The following ENOX2 variants were observed in gnomAD, a reference collection of about 807,000 sequenced individuals.
ENOX2 encodes ecto-NOX disulfide-thiol exchanger 2.
A neutral mutation model predicts 45.0 loss-of-function variants in ENOX2; 36 were observed. The ratio of observed to expected loss-of-function variants is 0.80; its 90% CI spans 0.61 to 1.06. The LOEUF (loss-of-function observed/expected upper bound fraction) is 1.06, where lower values mean the gene tolerates loss of function less well. ENOX2 is among the 50% of genes least tolerant of loss of function. The pLI, the probability that ENOX2 is intolerant of heterozygous loss-of-function variation, is 0.00. For missense variants in ENOX2, 423 were observed against 462.5 expected, an observed-to-expected ratio of 0.91 and a Z score of 0.78; for synonymous variants, 174 against 152.3, an observed-to-expected ratio of 1.14 and a Z score of -1.05.
At chrX:130,765,763 A>G (rs1302677552) in intron 3 of ENOX2, among the ~76,000 whole-genome samples, 2 of 111,915 alleles carry the variant, frequency 1.8e-5, no homozygotes, top group African/African-American at 6.5e-5. Context: ...TTGGGGTCAC[A>G]GGGTATATGT....
intron 10 of ENOX2, among the ~76,000 whole-genome samples, chrX:130,646,616 T>C (rs1355475717): frequency 8.9e-6 from 1 of 112,214 alleles, no homozygotes; most frequent in Non-Finnish European, 1.9e-5. Flanking sequence ...CTTGCATGAC[T>C]CCACCCTGAG....
At chrX:130,671,783 G>A (rs901304716) in intron 6 of ENOX2, among the ~76,000 whole-genome samples, 1 of 111,260 alleles carries the variant, frequency 9.0e-6, no homozygotes, top group African/African-American at 3.3e-5. Flanking sequence ...AAACTCCTCT[G>A]GTCTTGCTGA....
intron 1 of ENOX2, among the ~76,000 whole-genome samples, chrX:130,902,021 G>A (rs1316039729): frequency 2.7e-5 from 3 of 111,039 alleles, no homozygotes; most frequent in Admixed American, 9.6e-5. Context: ...CCTGTACTCT[G>A]CTGGAGCCCA....
chrX:130,710,710 A>G (rs756038242), intron 3 of ENOX2, among the ~76,000 whole-genome samples: 1 of 111,459 alleles, frequency 9.0e-6, no homozygotes, highest in South Asian at 3.8e-4. Context: ...GGCAACTCCA[A>G]CTTCTGTAGT....
At chrX:130,889,487 A>T (rs2078953941) in intron 2 of ENOX2, among the ~76,000 whole-genome samples, 1 of 111,556 alleles carries the variant, frequency 9.0e-6, no homozygotes, top group Non-Finnish European at 1.9e-5. Flanking sequence ...TGTTAAGCCA[A>T]TTGGGAAAAG....
intron 3 of ENOX2, among the ~76,000 whole-genome samples, chrX:130,721,726 G>A (rs2148273266): frequency 8.9e-6 from 1 of 112,058 alleles, no homozygotes; most frequent in African/African-American, 3.2e-5. Flanking sequence ...TTTGTAATGA[G>A]CAACAGCCTA....
intron 4 of ENOX2, among the ~76,000 whole-genome samples, chrX:130,690,899 T>C (rs756165843): frequency 3.3e-4 from 37 of 111,459 alleles, no homozygotes; most frequent in African/African-American, 1.1e-3. Flanking sequence ...CTTTTTATCC[T>C]GTGATGTCAA....
At chrX:130,626,127 T>C (rs186704565) in intron 14 of ENOX2, among the ~76,000 whole-genome samples, 38 of 111,615 alleles carry the variant, frequency 3.4e-4, no homozygotes, top group African/African-American at 1.2e-3. Flanking sequence ...TCACAGTGAA[T>C]ATCCCTGGAG....
At chrX:130,652,296 TAACTCCTCTGCA>T (rs2036424065) in intron 10 of ENOX2, among the ~76,000 whole-genome samples, 1 of 112,293 alleles carries the variant, frequency 8.9e-6, no homozygotes. Flanking sequence ...TGCTTTTTTC[TAACTCCTCTGCA>T]AACTCCTCTT....
chrX:130,655,407 A>G (rs992067456), intron 10 of ENOX2, among the ~76,000 whole-genome samples: 1 of 111,665 alleles, frequency 9.0e-6, no homozygotes, highest in Non-Finnish European at 1.9e-5. Context: ...TCAAGTGGCT[A>G]TAGAGCTGCT....
chrX:130,672,999 G>A (rs1033483266), intron 6 of ENOX2, among the ~76,000 whole-genome samples: 2 of 111,918 alleles, frequency 1.8e-5, no homozygotes, highest in Non-Finnish European at 3.8e-5. Context: ...AGAACAGAGA[G>A]CACCTCACAG....
At chrX:130,836,616 C>T in intron 2 of ENOX2, among the ~76,000 whole-genome samples, 1 of 111,523 alleles carries the variant, frequency 9.0e-6, no homozygotes, top group Non-Finnish European at 1.9e-5. Flanking sequence ...CTGCTGCCTT[C>T]CCAGGTGACT....
chrX:130,883,212 G>A (rs2078849968), intron 2 of ENOX2, among the ~76,000 whole-genome samples: 2 of 111,408 alleles, frequency 1.8e-5, no homozygotes, highest in African/African-American at 6.5e-5. Context: ...CCGAGTTCAA[G>A]CGATTCTCCT....
At chrX:130,696,717 T>G (rs2037772009) in intron 4 of ENOX2, among the ~76,000 whole-genome samples, 1 of 111,436 alleles carries the variant, frequency 9.0e-6, no homozygotes. Flanking sequence ...ATATGAAACT[T>G]CCTGTGAAAA....
intron 2 of ENOX2, among the ~76,000 whole-genome samples, chrX:130,815,365 C>G (rs2077464271): frequency 8.9e-6 from 1 of 112,081 alleles, no homozygotes; most frequent in Non-Finnish European, 1.9e-5. Context: ...CCTAGCAAGA[C>G]AGGCCAACAC....
At chrX:130,725,200 T>G (rs917542069) in intron 3 of ENOX2, among the ~76,000 whole-genome samples, 2 of 110,723 alleles carry the variant, frequency 1.8e-5, no homozygotes, top group African/African-American at 6.6e-5. Flanking sequence ...AACATGTTTT[T>G]TTTCTTTAAA....
At chrX:130,651,760 C>G (rs375645064) in intron 10 of ENOX2, among the ~76,000 whole-genome samples, 2 of 111,823 alleles carry the variant, frequency 1.8e-5, no homozygotes, top group African/African-American at 6.5e-5. Context: ...GATGAATAAA[C>G]AATCTCTTAG....
rs774078796 is a variant in ENOX2, at chrX:130,670,103, C to T, written c.556G>A (p.Glu186Lys). ...AQARDDLYEW[E>K]CKQRMLAREE... ...CTGGCTAGCATACGCTGTTTACACT[C>T]CCACTCATACAGGTCATCTCGAGCC... Residue 186 changes from glutamate to lysine, a missense_variant, in exon 7 of 15, where the codon GAG (glutamate) becomes AAG (lysine). Physicochemically the swap from Glu to Lys is moderately conservative, Grantham distance 56. Around this residue, in one of 5 missense-constraint regions of ENOX2, gnomAD observed 261 missense variants for 306.8 expected, o/e 0.85. Transcript: ENST00000394363. The T allele has an allele frequency of 2.5e-6, 3 of 1,210,342 alleles. No homozygotes were observed. Among genetic ancestry groups the T allele is most frequent in the Non-Finnish European group, 3.4e-6 (3 of 894,412 alleles).
Position 130,678,749 on chromosome X carries a change from C to T in ENOX2, c.460+793G>A, listed in dbSNP as rs184996212. On this transcript the variant is annotated intron_variant, in intron 6 of 14. Transcript: ENST00000394363. ...TTGTTTTCATATATATTATATTTTG[C>T]CATTTCCAGAATGTAAAATCCTTGA... Among the ~76,000 whole-genome samples the T allele has an allele frequency of 6.3e-5, 7 of 110,987 alleles. No homozygotes were observed. In the East Asian group the frequency reaches 1.4e-3, roughly 22 times the overall value.
Sources: allele counts gnomAD v4.1 joint callset (sites outside exome capture counted in the v4.1 genomes callset), GRCh38; gene constraint gnomAD v4.1.1; regional missense constraint gnomAD v4.1.1; transcripts MANE v1.5; gene names NCBI Gene and HGNC (gene_info 2026-07-23, HGNC 2026-07-21).